NUDC: variants seen among roughly 807,000 people sequenced by gnomAD.
NUDC encodes the protein nuclear migration protein nudC.
NUDC carries 14 observed loss-of-function variants against 45.0 expected under a neutral mutation model. The observed-to-expected ratio is 0.31, with a 90% confidence interval of 0.21 to 0.49. The LOEUF is 0.49. NUDC is among the 20% of genes least tolerant of loss of function. The pLI, the probability that NUDC is intolerant of heterozygous loss-of-function variation, is 0.99. For synonymous variants in NUDC, 153 were observed against 156.7 expected, an observed-to-expected ratio of 0.98 and a Z score of 0.17; for missense variants, 323 against 426.2, an observed-to-expected ratio of 0.76 and a Z score of 2.13.
chr1:26,921,829 C>A lies in NUDC; in HGVS notation c.-20C>A. 6.5e-7 allele frequency: 1 copy of A among 1,549,692 alleles called. No homozygotes were observed. Among genetic ancestry groups the A allele is most frequent in the Non-Finnish European group, 8.7e-7 (1 of 1,146,624 alleles). On this transcript the variant is annotated 5_prime_UTR_variant, in exon 1 of 9. Coordinates refer to ENST00000321265, the MANE Select transcript of NUDC (RefSeq NM_006600.4). ...GGGACTAGAGTGCAGAGCTCCGGGA[C>A]GTGGATCGGAGCCGGCGCGATGGGC...
At chr1:26,945,542 C>T (rs370930408) in intron 7 of NUDC, 26 bp from the exon 8 acceptor site, 39 of 1,611,306 alleles carry the variant, frequency 2.4e-5, no homozygotes, top group African/African-American at 2.4e-4. Context: ...AGAGCTTCAC[C>T]GATTCCTGTC....
upstream of NUDC, among the ~76,000 whole-genome samples, chr1:26,920,776 C>CAAAAAAAAA (rs758430801): frequency 7.5e-6 from 1 of 133,740 alleles, no homozygotes; most frequent in African/African-American, 2.7e-5. Context: ...AAACAAAAAA[C>CAAAAAAAAA]AAAAAAAAAA....
At chr1:26,945,980 G>C (rs2082314800) in intron 8 of NUDC, 150 bp from the exon 9 acceptor site, 2 of 791,002 alleles carry the variant, frequency 2.5e-6, no homozygotes, top group South Asian at 1.4e-5. Flanking sequence ...GGACTCAAAT[G>C]CGTCTCAGAT....
upstream of NUDC, among the ~76,000 whole-genome samples, chr1:26,917,378 A>G (rs985958873): frequency 4.6e-5 from 7 of 152,124 alleles, no homozygotes; most frequent in African/African-American, 9.7e-5. Flanking sequence ...CCTGGCCAAC[A>G]TGGCAAAACT....
chr1:26,940,456 A>G (rs1360604624), intron 2 of NUDC, among the ~76,000 whole-genome samples: 3 of 150,564 alleles, frequency 2.0e-5, no homozygotes, highest in Non-Finnish European at 3.0e-5. Context: ...AGCCTGGGCA[A>G]CAAGAGTGAA....
intron 2 of NUDC, among the ~76,000 whole-genome samples, chr1:26,925,468 G>C (rs1341821745): frequency 1.3e-5 from 2 of 148,490 alleles, no homozygotes; most frequent in African/African-American, 2.5e-5. Flanking sequence ...TGAACCCCGG[G>C]GGGCGGAGCT....
In NUDC at chr1:26,923,481, CT is replaced by C. The variant is rs147325289; in HGVS notation, c.82-599del. Among the ~76,000 whole-genome samples the C allele has an allele frequency of 6.1e-3, 920 of 151,608 alleles. 10 individuals are homozygous for C. The highest frequency in any genetic ancestry group is 0.021 in the African/African-American group (865 of 41,316). On this transcript the variant is annotated intron_variant, in intron 1 of 8. Coordinates refer to ENST00000321265, the MANE Select transcript of NUDC (RefSeq NM_006600.4). ...TTTGACCCGGTAACTTAGCCAGTGT[CT>C]TTTTTTTTGTTTAGACAAGAGTCTC...
chr1:26,901,397 CTTTTTTTTTTT>C (rs34988488), intron 1 of NUDC, among the ~76,000 whole-genome samples: 5 of 73,622 alleles, frequency 6.8e-5, no homozygotes, highest in Non-Finnish European at 1.0e-4. Context: ...GCCTTTTTGT[CTTTTTTTTTTT>C]TTTTTTTTTT....
chr1:26,939,062 C>T (rs1463838135), intron 2 of NUDC, among the ~76,000 whole-genome samples: 1 of 152,186 alleles, frequency 6.6e-6, no homozygotes, highest in Non-Finnish European at 1.5e-5. Context: ...GGCGCGATCT[C>T]TGCTCACTGC....
At chr1:26,921,448 GA>G (rs1200083077), upstream of NUDC, among the ~76,000 whole-genome samples, 2 of 152,206 alleles carry the variant, frequency 1.3e-5, no homozygotes, top group African/African-American at 2.4e-5. Context: ...TAGCAAGGGA[GA>G]GGGGCAAAAC....
At chr1:26,903,875 G>T (rs2081990950) in intron 2 of NUDC, among the ~76,000 whole-genome samples, 1 of 151,490 alleles carries the variant, frequency 6.6e-6, no homozygotes, top group African/African-American at 2.4e-5. Flanking sequence ...GCTGGGCGTG[G>T]TGGCGGGCAC....
rs1435158676 is a variant in NUDC, at chr1:26,942,877, G to A, written c.553G>A (p.Val185Ile). The change falls in exon 6 of 9, where the codon GTC becomes ATC. Residue 185 changes from valine to isoleucine, a missense_variant. By Grantham distance (29) the Val-to-Ile change is conservative. Coordinates refer to ENST00000321265, the MANE Select transcript of NUDC (RefSeq NM_006600.4). ...CTGCCTCTGCCCTATGCAGCTGGCGGTCCCTTTCTGTGTGAACTTCCGGCT... is the reference window on the plus strand; with the variant it reads ...CTGCCTCTGCCCTATGCAGCTGGCGATCCCTTTCTGTGTGAACTTCCGGCT... ...TQTLSELDLA[V>I]PFCVNFRLKG... 6.2e-6 allele frequency: 10 copies of A among 1,613,676 alleles called. No individual in the cohort carries two copies. The highest frequency in any genetic ancestry group is 1.3e-5 in the African/African-American group (1 of 74,906).
chr1:26,942,384 G>A (rs779123543), intron 4 of NUDC, among the ~76,000 whole-genome samples: 1 of 152,198 alleles, frequency 6.6e-6, no homozygotes, highest in Non-Finnish European at 1.5e-5. Flanking sequence ...GGTCCCATCT[G>A]AGGTTGGCTG....
At chr1:26,928,963 C>T (rs1317181276) in intron 2 of NUDC, among the ~76,000 whole-genome samples, 1 of 152,144 alleles carries the variant, frequency 6.6e-6, no homozygotes, top group Non-Finnish European at 1.5e-5. Flanking sequence ...CTTGCACACC[C>T]ATGTTCACAG....
intron 2 of NUDC, among the ~76,000 whole-genome samples, chr1:26,935,222 TC>T (rs1291077611): frequency 2.0e-5 from 3 of 149,422 alleles, no homozygotes; most frequent in Admixed American, 6.7e-5. Flanking sequence ...CGTCAGGTGT[TC>T]CGTGCCCCCT....
upstream of NUDC, among the ~76,000 whole-genome samples, chr1:26,918,092 A>G (rs965915354): frequency 1.3e-5 from 2 of 151,888 alleles, no homozygotes; most frequent in Admixed American, 6.6e-5. Context: ...CATGGGGTTC[A>G]TTCTAGTTTT....
In NUDC at chr1:26,941,499, A is replaced by G. The variant is rs1557680574; in HGVS notation, c.202A>G (p.Lys68Glu). Reference sequence around the variant, plus strand: ...CAGCCACCACAATCAGCTGGCACAGAAGACCCGGCGGGAGAAGAGAGCCCG... The same window carrying G: ...CAGCCACCACAATCAGCTGGCACAGGAGACCCGGCGGGAGAAGAGAGCCCG... ...TFSHHNQLAQ[K>E]TRREKRARQE... The change falls in exon 3 of 9, where the codon AAG (lysine) becomes GAG (glutamate). Residue 68 changes from lysine to glutamate, a missense_variant. Physicochemically the swap from Lys to Glu is moderately conservative, Grantham distance 56 (BLOSUM62 1). Coordinates refer to ENST00000321265, the MANE Select transcript of NUDC (RefSeq NM_006600.4). The G allele has an allele frequency of 6.2e-7, 1 of 1,614,080 alleles. No homozygotes were observed. The highest frequency in any genetic ancestry group is 8.5e-7 in the Non-Finnish European group (1 of 1,180,010).
At chr1:26,934,947 G>A (rs1330102145) in intron 2 of NUDC, among the ~76,000 whole-genome samples, 14 of 151,444 alleles carry the variant, frequency 9.2e-5, no homozygotes, top group Admixed American at 2.6e-4. Flanking sequence ...GTGAACCACC[G>A]CGCCCGGCCA....
chr1:26,924,872 TA>T (rs2082118535), intron 2 of NUDC, among the ~76,000 whole-genome samples: 1 of 150,970 alleles, frequency 6.6e-6, no homozygotes, highest in Non-Finnish European at 1.5e-5. Flanking sequence ...TTTTTACTTT[TA>T]TTTATTTTAT....
Sources: gnomAD v4.1 joint callset for allele counts (sites outside exome capture counted in the v4.1 genomes callset) on GRCh38, gnomAD v4.1.1 for gene constraint, MANE v1.5 for transcripts, NCBI Gene and HGNC (gene_info 2026-07-23, HGNC 2026-07-21) for gene names.